PTPRT: variants seen among roughly 807,000 people sequenced by gnomAD.
PTPRT encodes protein tyrosine phosphatase receptor type T.
A neutral mutation model predicts 176.8 loss-of-function variants in PTPRT; 56 were observed. The ratio of observed to expected loss-of-function variants is 0.32; its 90% confidence interval spans 0.26 to 0.40. The LOEUF (loss-of-function observed/expected upper bound fraction) is 0.40. Among genes scored for constraint, PTPRT ranks in the 10% least tolerant of loss-of-function variants. The pLI is 1.00. For synonymous variants in PTPRT, 783 were observed against 739.0 expected (o/e 1.06, Z -0.96); for missense variants, 1,540 against 1,908.2 (o/e 0.81, Z 3.60).
At chr20:42,596,871 T>C (rs1237548771) in intron 7 of PTPRT, among the ~76,000 whole-genome samples, 4 of 152,310 alleles carry the variant, frequency 2.6e-5, no homozygotes, top group East Asian at 1.9e-4. Context: ...CTCATAATGG[T>C]TGGAAGTGTA....
At chr20:42,230,665 C>T (rs1467669511) in intron 15 of PTPRT, among the ~76,000 whole-genome samples, 1 of 152,090 alleles carries the variant, frequency 6.6e-6, no homozygotes, top group African/African-American at 2.4e-5. Context: ...GGGAAGTCAC[C>T]GCTATTATCA....
intron 1 of PTPRT, among the ~76,000 whole-genome samples, chr20:43,158,598 C>T (rs1390290809): frequency 6.6e-6 from 1 of 152,174 alleles, no homozygotes; most frequent in Non-Finnish European, 1.5e-5. Flanking sequence ...CTTCCTATGA[C>T]CCCAAACTAC....
chr20:42,231,834 C>G (rs2056140728), intron 15 of PTPRT, among the ~76,000 whole-genome samples: 1 of 152,168 alleles, frequency 6.6e-6, no homozygotes, highest in Non-Finnish European at 1.5e-5. Context: ...AAATTATTTA[C>G]TGTCTGGCTC....
rs75162663 is a variant in PTPRT at position 43,137,057 on chromosome 20, C to T, written c.88+52589G>A. On this transcript the variant is annotated intron_variant, in intron 1 of 30. Transcript: ENST00000373187. The stretch of plus-strand genomic sequence containing the variant: ...TAAGCTAACAATCTCCTTCCATTCC[C>T]GTCTCCTGGTCTTCTACCTGTGACT... 6.3e-3 allele frequency among the ~76,000 whole-genome samples: 953 copies of T among 152,280 alleles called. 10 individuals carry two copies. The highest frequency in any genetic ancestry group is 0.022 in the African/African-American group (907 of 41,550).
intron 1 of PTPRT, among the ~76,000 whole-genome samples, chr20:43,010,215 T>A (rs1479738495): frequency 6.6e-6 from 1 of 152,098 alleles, no homozygotes; most frequent in Non-Finnish European, 1.5e-5. Flanking sequence ...CCCCCAATCA[T>A]CAGCCTGTCT....
At chr20:42,149,820 A>G (rs1989043981) in intron 17 of PTPRT, among the ~76,000 whole-genome samples, 1 of 152,180 alleles carries the variant, frequency 6.6e-6, no homozygotes, top group South Asian at 2.1e-4. Context: ...CCTTGATGAT[A>G]TGCTTTATAG....
Position 42,940,854 on chromosome 20 carries a change from G to C in PTPRT, c.89-54922C>G, listed in dbSNP as rs182198926. On this transcript the variant is annotated intron_variant, in intron 1 of 30. Transcript: ENST00000373187. ...CCCGGCACTTTGGGAGGCTGAGGCA[G>C]GTGGATCACAAGGTCAGGAGTTCAA... Among the ~76,000 whole-genome samples the C allele has an allele frequency of 8.8e-3, 1,342 of 152,204 alleles. 10 individuals are homozygous for C. Among genetic ancestry groups the C allele is most frequent in the Non-Finnish European group, 0.014 (920 of 68,016 alleles).
At chr20:43,152,404 G>C (rs1243922003) in intron 1 of PTPRT, among the ~76,000 whole-genome samples, 1 of 152,126 alleles carries the variant, frequency 6.6e-6, no homozygotes, top group Non-Finnish European at 1.5e-5. Context: ...TTGCACACAA[G>C]TGATGGAGCT....
intron 27 of PTPRT, among the ~76,000 whole-genome samples, chr20:42,089,290 A>G (rs1314236611): frequency 6.6e-6 from 1 of 152,190 alleles, no homozygotes; most frequent in Non-Finnish European, 1.5e-5. Flanking sequence ...AAATAAGTCT[A>G]TGGTTGGTCA....
In PTPRT at chr20:42,145,559, T is replaced by A. The variant is rs1302070872; in HGVS notation, c.2683-3557A>T. ...ATAGATAGATAGATGGATGTTGGGCTGGATTTAGCCTATGGCTATAGCTTG... is the reference window on the plus strand; with the variant it reads ...ATAGATAGATAGATGGATGTTGGGCAGGATTTAGCCTATGGCTATAGCTTG... On this transcript the variant is annotated intron_variant, in intron 17 of 30. Transcript: ENST00000373187. Among the ~76,000 whole-genome samples the A allele has an allele frequency of 1.6e-4, 24 of 152,162 alleles. 1 individual carries two copies. The highest frequency in any genetic ancestry group is 3.1e-4 in the Non-Finnish European group (21 of 68,038).
Position 43,189,790 on chromosome 20 carries a change from G to A in PTPRT, c.-57C>T. The A allele has an allele frequency of 1.0e-6, 1 of 998,764 alleles. No homozygotes were observed. Among genetic ancestry groups the A allele is most frequent in the South Asian group, 4.6e-5 (1 of 21,548 alleles). 61.9% of individuals were successfully genotyped at this position (998,764 alleles called of 1,614,324 possible). ...CGCGGGGGCCGGGGCCGGGACTGGGGCGGGCGCGGGGTGGCCCCGCATCGC... is the reference window on the plus strand; with the variant it reads ...CGCGGGGGCCGGGGCCGGGACTGGGACGGGCGCGGGGTGGCCCCGCATCGC... On this transcript the variant is annotated 5_prime_UTR_variant, in exon 1 of 31. Coordinates refer to ENST00000373187, the MANE Select transcript of PTPRT (RefSeq NM_007050.6). The surrounding 1 kb of genome is among the most constrained non-coding windows in gnomAD (Gnocchi z 5.0).
intron 1 of PTPRT, among the ~76,000 whole-genome samples, chr20:42,918,511 C>T (rs895501168): frequency 6.6e-6 from 1 of 152,198 alleles, no homozygotes; most frequent in Non-Finnish European, 1.5e-5. Context: ...TAAGGATTTG[C>T]TGACCACAAA....
At chr20:42,182,974 T>C (rs1326150285) in intron 16 of PTPRT, among the ~76,000 whole-genome samples, 1 of 151,424 alleles carries the variant, frequency 6.6e-6, no homozygotes, top group African/African-American at 2.4e-5. Flanking sequence ...ACCAGCATTT[T>C]GTGCTGTCAC....
At chr20:42,278,506 G>C (rs2057086009) in intron 13 of PTPRT, among the ~76,000 whole-genome samples, 1 of 151,966 alleles carries the variant, frequency 6.6e-6, no homozygotes, top group Admixed American at 6.6e-5. Context: ...AGGCCTGTGG[G>C]TAAGGAAAAG....
intron 8 of PTPRT, among the ~76,000 whole-genome samples, chr20:42,452,267 C>CAA (rs200511615): frequency 0.17 from 19,650 of 117,780 alleles, 1,493 homozygotes; most frequent in Middle Eastern, 0.23. Flanking sequence ...GACTCCATCT[C>CAA]AAAAAAAAAA....
chr20:43,054,001 T>C (rs1987143657), intron 1 of PTPRT, among the ~76,000 whole-genome samples: 1 of 152,208 alleles, frequency 6.6e-6, no homozygotes, highest in Non-Finnish European at 1.5e-5. Flanking sequence ...CTTTTTTTCC[T>C]CAGACTCGCC....
At chr20:42,408,204 TA>T (rs537737104) in intron 9 of PTPRT, among the ~76,000 whole-genome samples, 98 of 152,190 alleles carry the variant, frequency 6.4e-4, no homozygotes, top group African/African-American at 2.3e-3. Flanking sequence ...AAGAAAACTG[TA>T]AAAGTAGGAG....
intron 1 of PTPRT, among the ~76,000 whole-genome samples, chr20:42,960,232 C>G (rs959060278): frequency 2.0e-5 from 3 of 152,108 alleles, no homozygotes; most frequent in African/African-American, 7.2e-5. Context: ...GGTAATTTAT[C>G]AATTGTAGAC....
At chr20:43,056,066 G>A (rs1247324696) in intron 1 of PTPRT, among the ~76,000 whole-genome samples, 1 of 152,202 alleles carries the variant, frequency 6.6e-6, no homozygotes, top group Non-Finnish European at 1.5e-5. Context: ...AGTCCACAGA[G>A]AGGAAATGAT....
Sources: allele counts gnomAD v4.1 joint callset (sites outside exome capture counted in the v4.1 genomes callset), GRCh38; gene constraint gnomAD v4.1.1; non-coding constraint Gnocchi (gnomAD v3.1); transcripts MANE v1.5; gene names NCBI Gene and HGNC (gene_info 2026-07-23, HGNC 2026-07-21).